The following MID1 variants were observed in gnomAD, a reference collection of about 807,000 sequenced individuals.
MID1 encodes the protein E3 ubiquitin-protein ligase Midline-1.
MID1 carries 7 observed loss-of-function variants against 40.4 expected under a neutral mutation model. The ratio of observed to expected loss-of-function variants is 0.17; its 90% CI spans 0.10 to 0.33. The LOEUF is 0.33. Among genes scored for constraint, MID1 ranks in the 10% least tolerant of loss-of-function variants. The pLI is 1.00. For missense variants in MID1, 367 were observed against 558.5 expected (o/e 0.66, Z 3.46); for synonymous variants, 229 against 221.2 (o/e 1.04, Z -0.31).
chrX:10,558,065 TA>T (rs368289385), intron 2 of MID1, among the ~76,000 whole-genome samples: 1,491 of 89,535 alleles, frequency 0.017, 6 homozygotes, highest in Middle Eastern at 0.03. Context: ...CTCTCTCTCT[TA>T]AAAAAAAAAA....
chrX:10,530,002 C>T (rs896635179), intron 2 of MID1, among the ~76,000 whole-genome samples: 3 of 111,934 alleles, frequency 2.7e-5, no homozygotes, highest in Non-Finnish European at 5.6e-5. Context: ...GTCTTCCATG[C>T]TTTCAGGCTT....
At chrX:10,717,302 C>T (rs1166175883) in intron 1 of MID1, among the ~76,000 whole-genome samples, 1 of 108,969 alleles carries the variant, frequency 9.2e-6, no homozygotes, top group Non-Finnish European at 1.9e-5. Flanking sequence ...GGAGACCCAT[C>T]TCACGTGCAG....
At chrX:10,458,072 T>TA (rs1928791961) in intron 8 of MID1, among the ~76,000 whole-genome samples, 1 of 112,550 alleles carries the variant, frequency 8.9e-6, no homozygotes, top group South Asian at 3.7e-4. Context: ...AAGCACACCT[T>TA]AGGGAGTTGA....
chrX:10,611,839 G>T (rs1036620429), intron 1 of MID1, among the ~76,000 whole-genome samples: 1 of 111,313 alleles, frequency 9.0e-6, no homozygotes, highest in Admixed American at 9.6e-5. Flanking sequence ...CAAGAATGTG[G>T]AATTGCTCAT....
intron 1 of MID1, among the ~76,000 whole-genome samples, chrX:10,652,031 C>T (rs1376233789): frequency 8.9e-6 from 1 of 112,155 alleles, no homozygotes; most frequent in Non-Finnish European, 1.9e-5. Context: ...TTTATTACTA[C>T]AAATTACCAT....
intron 1 of MID1, among the ~76,000 whole-genome samples, chrX:10,708,974 A>G (rs1357956294): frequency 1.8e-5 from 2 of 112,571 alleles, no homozygotes; most frequent in Non-Finnish European, 3.8e-5. Flanking sequence ...AACCATATGG[A>G]ATTGTGGATA....
intron 3 of MID1, among the ~76,000 whole-genome samples, chrX:10,520,511 T>C (rs1932653858): frequency 8.9e-6 from 1 of 112,294 alleles, no homozygotes; most frequent in Admixed American, 9.4e-5. Context: ...CTACTGACAG[T>C]TATAGGCACA....
intron 1 of MID1, among the ~76,000 whole-genome samples, chrX:10,757,489 T>C (rs1446054814): frequency 8.9e-6 from 1 of 112,500 alleles, no homozygotes; most frequent in Non-Finnish European, 1.9e-5. Context: ...TTTTGAAAAG[T>C]TGTTTCATCA....
Position 10,566,885 on chromosome X carries a change from A to G in MID1, c.660+3T>C. The G allele has an allele frequency of 8.3e-7, 1 of 1,211,016 alleles. No individual in the cohort carries two copies. The highest frequency in any genetic ancestry group is 1.1e-6 in the Non-Finnish European group (1 of 895,069). On this transcript the variant is annotated splice_donor_region_variant and intron_variant, in intron 2 of 9. Transcript: ENST00000317552. ...GGGTTGGCTTAAGGCGGATCGGACTAACCTTCAATTTGTCATAGCGCTCAC... is the reference window on the plus strand; with the variant it reads ...GGGTTGGCTTAAGGCGGATCGGACTGACCTTCAATTTGTCATAGCGCTCAC...
At chrX:10,641,198 A>G (rs1254530227) in intron 1 of MID1, among the ~76,000 whole-genome samples, 1 of 112,005 alleles carries the variant, frequency 8.9e-6, no homozygotes, top group Non-Finnish European at 1.9e-5. Context: ...TAGAGACACA[A>G]AAAAACTCTT....
chrX:10,609,236 T>C (rs1935684060), intron 1 of MID1, among the ~76,000 whole-genome samples: 1 of 111,460 alleles, frequency 9.0e-6, no homozygotes. Flanking sequence ...TATTCCACCG[T>C]GTGTACATAT....
intron 1 of MID1, among the ~76,000 whole-genome samples, chrX:10,727,110 A>AT (rs1436116630): frequency 1.8e-5 from 2 of 111,616 alleles, no homozygotes; most frequent in Non-Finnish European, 3.8e-5. Flanking sequence ...CATGATTTTT[A>AT]TTTTTTTATT....
At position 10,495,578 on chromosome X, in the gene MID1, T is replaced by C. The variant is rs752141302; in HGVS notation, c.864+6A>G. ...AATATGAAATCTTCTGCCCTAGAAATCATACCTTCCCTTCTTTGATCTTGG... is the reference window on the plus strand; with the variant it reads ...AATATGAAATCTTCTGCCCTAGAAACCATACCTTCCCTTCTTTGATCTTGG... On this transcript the variant is annotated splice_donor_region_variant and intron_variant, in intron 4 of 9. Coordinates refer to ENST00000317552, the MANE Select transcript of MID1 (RefSeq NM_000381.4). 6 of 1,176,339 alleles carry C rather than the reference T, an allele frequency of 5.1e-6. No individual in the cohort carries two copies. The African/African-American group carries it at 1.1e-4, about 21-fold the overall frequency.
chrX:10,625,093 G>A (rs1303184241), upstream of MID1, among the ~76,000 whole-genome samples: 1 of 111,678 alleles, frequency 9.0e-6, no homozygotes, highest in African/African-American at 3.3e-5. Flanking sequence ...GTGATTGCCT[G>A]TATCAGTCAG....
At chrX:10,681,848 G>C (rs1036534797) in intron 1 of MID1, among the ~76,000 whole-genome samples, 1 of 112,294 alleles carries the variant, frequency 8.9e-6, no homozygotes, top group Middle Eastern at 4.7e-3. Context: ...TCAAATGATA[G>C]TGAATGCTGA....
intron 1 of MID1, among the ~76,000 whole-genome samples, chrX:10,676,776 T>G (rs1000288109): frequency 4.1e-4 from 46 of 111,539 alleles, no homozygotes; most frequent in African/African-American, 1.5e-3. Flanking sequence ...CATTCATTCC[T>G]GCCAGGCGAA....
At chrX:10,528,328 T>G (rs1423673219) in intron 2 of MID1, among the ~76,000 whole-genome samples, 1 of 112,283 alleles carries the variant, frequency 8.9e-6, no homozygotes, top group Non-Finnish European at 1.9e-5. Context: ...TTCTTTTTAC[T>G]AAGTCTTTGG....
At chrX:10,720,619 C>A (rs949003404) in intron 1 of MID1, among the ~76,000 whole-genome samples, 4 of 111,908 alleles carry the variant, frequency 3.6e-5, no homozygotes, top group African/African-American at 1.3e-4. Flanking sequence ...ACTAGCTCAA[C>A]CATTGTGGAA....
intron 1 of MID1, among the ~76,000 whole-genome samples, chrX:10,638,133 T>C (rs575621534): frequency 1.8e-5 from 2 of 111,620 alleles, no homozygotes; most frequent in African/African-American, 6.5e-5. Flanking sequence ...TCCCAGCATA[T>C]TCCAACTGAG....
Sources: allele counts gnomAD v4.1 joint callset (sites outside exome capture counted in the v4.1 genomes callset), GRCh38; gene constraint gnomAD v4.1.1; transcripts MANE v1.5; gene names NCBI Gene and HGNC (gene_info 2026-07-23, HGNC 2026-07-21).